Variants in HNRNPUL1 observed in about 807,000 individuals in gnomAD.
HNRNPUL1 encodes the protein heterogeneous nuclear ribonucleoprotein U-like protein 1.
In HNRNPUL1, 14 loss-of-function variants were observed where a neutral mutation model predicts 108.5. That is an observed-to-expected ratio of 0.13 (90% CI 0.09 to 0.20). The LOEUF (loss-of-function observed/expected upper bound fraction) is 0.20. HNRNPUL1 is among the 10% of genes least tolerant of loss of function. The pLI is 1.00. For synonymous variants in HNRNPUL1, 422 were observed against 445.2 expected (o/e 0.95, Z 0.66); for missense variants, 804 against 1,168.3 (o/e 0.69, Z 4.55).
chr19:41,284,000 C>T (rs894578666), intron 7 of HNRNPUL1, among the ~76,000 whole-genome samples: 1 of 152,222 alleles, frequency 6.6e-6, no homozygotes, highest in East Asian at 1.9e-4. Flanking sequence ...CACTGTGTGT[C>T]ATACATCTTC....
chr19:41,282,486 C>T (rs2035956479), intron 7 of HNRNPUL1, among the ~76,000 whole-genome samples: 1 of 150,854 alleles, frequency 6.6e-6, no homozygotes, highest in Admixed American at 6.6e-5. Flanking sequence ...CTGGCCCCTT[C>T]TTCTTTTTTT....
At chr19:41,279,283 C>G in intron 6 of HNRNPUL1, 107 bp downstream of exon 6, 1 of 757,756 alleles carries the variant, frequency 1.3e-6, no homozygotes, top group South Asian at 1.5e-5. Flanking sequence ...TAGAATAGAA[C>G]TAGGCTGAAG....
At position 41,307,356 on chromosome 19, in the gene HNRNPUL1, CTA is replaced by C. The variant is rs1201486317; in HGVS notation, c.*793_*794del. ...TGCTTTTTGTATTTGGAGAGAGTGA[CTA>C]TTGAACTTGAAACCTTTTATTCCGG... On this transcript the variant is annotated 3_prime_UTR_variant, in exon 15 of 15. Transcript: ENST00000392006. The C allele has an allele frequency of 6.6e-6, 1 of 152,468 alleles. No individual in the cohort carries two copies. Among genetic ancestry groups the C allele is most frequent in the African/African-American group, 2.4e-5 (1 of 41,378 alleles). The allele number at this position is 152,468 out of a possible 1,614,324, so 9.4% of individuals were successfully genotyped here.
rs1484611728 is a variant in HNRNPUL1, at chr19:41,305,420, G to A, written c.2263-256G>A. 3.3e-5 allele frequency among the ~76,000 whole-genome samples: 5 copies of A among 152,174 alleles called. No homozygotes were observed. The South Asian group carries it at 6.2e-4, about 19-fold the overall frequency. On this transcript the variant is annotated intron_variant, in intron 13 of 14. Transcript: ENST00000392006. ...GAAAACTGAGATTTCAAGAAGTGCC[G>A]TGTACCTTGCTCCCTGGGGGTCTCA...
In HNRNPUL1 at chr19:41,302,931, G is replaced by A; in HGVS notation, c.1954G>A (p.Gly652Arg). The A allele has an allele frequency of 6.5e-7, 1 of 1,528,284 alleles. No homozygotes were observed. The highest frequency in any genetic ancestry group is 8.8e-7 in the Non-Finnish European group (1 of 1,139,680). 94.7% of individuals were successfully genotyped at this position (1,528,284 alleles called of 1,614,324 possible). A position where few individuals can be genotyped will look rare whatever the true frequency, so the allele number is the denominator to read the frequency against. Residue 652 changes from glycine (G) to arginine (R), a missense_variant, in exon 12 of 15, where the codon GGA (glycine) becomes AGA (arginine). This residue lies in a region of HNRNPUL1 where 294 missense variants were observed against 388.3 expected (regional missense o/e 0.76). Transcript: ENST00000392006. ...GAACCGAGGGGGAGGCAGCGGTGGA[G>A]GAGGCAACTACCGAGGAGGTGAGAC... ...FQNRGGGSGGGGNYRGGFNRS... is the reference protein window; with the variant it reads ...FQNRGGGSGGRGNYRGGFNRS...
intron 7 of HNRNPUL1, 69 bp downstream of exon 7, chr19:41,281,344 C>G: frequency 1.0e-6 from 1 of 1,003,848 alleles, no homozygotes. Flanking sequence ...TTTCAGGATA[C>G]CTCTATCCAT....
intron 2 of HNRNPUL1, among the ~76,000 whole-genome samples, chr19:41,271,567 T>C (rs2035241518): frequency 2.0e-5 from 3 of 152,188 alleles, no homozygotes; most frequent in East Asian, 1.9e-4. Flanking sequence ...TGTGGTTTGC[T>C]CTTGGTTAGG....
intron 10 of HNRNPUL1, among the ~76,000 whole-genome samples, chr19:41,296,426 A>G (rs960421806): frequency 6.6e-6 from 1 of 152,116 alleles, no homozygotes; most frequent in African/African-American, 2.4e-5. Flanking sequence ...AGGCCAAGAG[A>G]TCTTGGCCAA....
At chr19:41,268,561 A>C (rs1240496011) in intron 2 of HNRNPUL1, among the ~76,000 whole-genome samples, 1 of 152,156 alleles carries the variant, frequency 6.6e-6, no homozygotes, top group Non-Finnish European at 1.5e-5. Context: ...ATCTGTAAAA[A>C]AGTGATGTTA....
chr19:41,272,513 A>G (rs757513174), intron 3 of HNRNPUL1: 17 of 349,382 alleles, frequency 4.9e-5, no homozygotes, highest in Non-Finnish European at 6.3e-5. Flanking sequence ...CCTTTGCCTT[A>G]CTGCCCCTGC....
intron 10 of HNRNPUL1, among the ~76,000 whole-genome samples, chr19:41,295,391 AAC>A (rs1341810989): frequency 2.0e-5 from 3 of 152,214 alleles, no homozygotes; most frequent in East Asian, 1.9e-4. Context: ...GGGAAAAAAA[AAC>A]AGTTTTTTGT....
chr19:41,264,223 C>T (rs75044688), upstream of HNRNPUL1: 715 of 337,242 alleles, frequency 2.1e-3, 5 homozygotes, highest in South Asian at 0.016. Context: ...CCCAGTAGCT[C>T]CTAGGCCTTC....
At chr19:41,289,119 G>T (rs1177295754) in intron 7 of HNRNPUL1, among the ~76,000 whole-genome samples, 1 of 152,040 alleles carries the variant, frequency 6.6e-6, no homozygotes, top group Non-Finnish European at 1.5e-5. Context: ...CAGAGTATGA[G>T]GTTCTTTTGG....
chr19:41,269,487 A>G (rs1008183121), intron 2 of HNRNPUL1, among the ~76,000 whole-genome samples: 1 of 151,222 alleles, frequency 6.6e-6, no homozygotes, highest in African/African-American at 2.4e-5. Flanking sequence ...CACGAAAAAA[A>G]AAAAAAAAAA....
Position 41,305,700 on chromosome 19 carries a change from A to T in HNRNPUL1, c.2287A>T (p.Asn763Tyr). Residue 763 changes from asparagine to tyrosine, a missense_variant, in exon 14 of 15, where the codon AAC (asparagine) becomes TAC (tyrosine). Around this residue, in one of 4 missense-constraint regions of HNRNPUL1, gnomAD observed 294 missense variants for 388.3 expected, o/e 0.76. Coordinates refer to ENST00000392006, the MANE Select transcript of HNRNPUL1 (RefSeq NM_007040.6). ...GCCGAGTTACAGCCAGCCACCCTAC[A>T]ACCAGGGAGGTTACAGCCAGGGCTA... ...PQPSYSQPPYNQGGYSQGYTA... is the reference protein window; with the variant it reads ...PQPSYSQPPYYQGGYSQGYTA... The T allele has an allele frequency of 6.2e-7, 1 of 1,614,050 alleles. No homozygotes were observed. The highest frequency in any genetic ancestry group is 8.5e-7 in the Non-Finnish European group (1 of 1,179,976).
intron 7 of HNRNPUL1, among the ~76,000 whole-genome samples, chr19:41,288,222 C>G (rs1162847890): frequency 9.0e-6 from 1 of 110,974 alleles, no homozygotes; most frequent in Non-Finnish European, 1.8e-5. Context: ...TTTTTTTTAA[C>G]TTGTATGTCT....
At chr19:41,298,884 T>C (rs538870303) in intron 10 of HNRNPUL1, 1 of 151,220 alleles carries the variant, frequency 6.6e-6, no homozygotes, top group East Asian at 1.9e-4. Flanking sequence ...TGTCACTCCA[T>C]GCCCTCGCAG....
chr19:41,270,364 C>T (rs955588146), intron 2 of HNRNPUL1, among the ~76,000 whole-genome samples: 4 of 151,796 alleles, frequency 2.6e-5, no homozygotes, highest in Admixed American at 6.6e-5. Context: ...GATGGCAGCA[C>T]TGCATTCCAG....
intron 6 of HNRNPUL1, among the ~76,000 whole-genome samples, chr19:41,280,520 C>A (rs2122637465): frequency 6.6e-6 from 1 of 152,256 alleles, no homozygotes; most frequent in South Asian, 2.1e-4. Context: ...GATGGGGAAA[C>A]AGCCCAGGAG....
Sources: gnomAD v4.1 joint callset for allele counts (sites outside exome capture counted in the v4.1 genomes callset) on GRCh38, gnomAD v4.1.1 for gene constraint, gnomAD v4.1.1 regional missense constraint, MANE v1.5 for transcripts, NCBI Gene and HGNC (gene_info 2026-07-23, HGNC 2026-07-21) for gene names.